NELL1: variants seen among roughly 807,000 people sequenced by gnomAD.
NELL1 encodes neural EGFL like 1, also known as protein kinase C-binding protein NELL1.
NELL1 carries 76 observed loss-of-function variants against 107.4 expected under a neutral mutation model. The observed-to-expected ratio is 0.71, with a 90% CI of 0.59 to 0.86. The LOEUF is 0.86. Among genes scored for constraint, NELL1 ranks in the 40% least tolerant of loss-of-function variants. NELL1 has a pLI of 0.00. For missense variants in NELL1, 1,024 were observed against 1,005.5 expected (o/e 1.02, Z -0.25); for synonymous variants, 353 against 341.2 (o/e 1.03, Z -0.38).
intron 13 of NELL1, among the ~76,000 whole-genome samples, chr11:21,124,793 G>A (rs1295695124): frequency 6.6e-6 from 1 of 151,848 alleles, no homozygotes; most frequent in African/African-American, 2.4e-5. Context: ...TACAGACAGG[G>A]TTTCTCCATA....
At chr11:21,413,119 C>T (rs542894987) in intron 15 of NELL1, among the ~76,000 whole-genome samples, 1 of 152,210 alleles carries the variant, frequency 6.6e-6, no homozygotes, top group African/African-American at 2.4e-5. Context: ...CCTTGATTGC[C>T]AATTCAGAAG....
intron 11 of NELL1, among the ~76,000 whole-genome samples, chr11:20,948,842 T>A (rs1485768106): frequency 6.6e-6 from 1 of 151,864 alleles, no homozygotes; most frequent in African/African-American, 2.4e-5. Context: ...ATACTTCAGA[T>A]TCTCAAATAC....
chr11:21,469,941 C>G (rs938769690), intron 15 of NELL1, among the ~76,000 whole-genome samples: 2 of 151,436 alleles, frequency 1.3e-5, no homozygotes, highest in Non-Finnish European at 2.9e-5. Flanking sequence ...ACACCAAATG[C>G]AAATGTTACT....
At chr11:21,131,606 G>C (rs907570077) in intron 13 of NELL1, among the ~76,000 whole-genome samples, 4 of 152,148 alleles carry the variant, frequency 2.6e-5, no homozygotes, top group Admixed American at 6.5e-5. Context: ...ACAATGATAT[G>C]TACTTACTTG....
chr11:21,041,663 G>A (rs1853235607), intron 12 of NELL1, among the ~76,000 whole-genome samples: 1 of 152,130 alleles, frequency 6.6e-6, no homozygotes, highest in Non-Finnish European at 1.5e-5. Context: ...TATTCACAAA[G>A]TTTTAAAAGT....
intron 13 of NELL1, among the ~76,000 whole-genome samples, chr11:21,215,174 C>G (rs1857587160): frequency 6.6e-6 from 1 of 152,084 alleles, no homozygotes. Context: ...TGAGTGCATT[C>G]TCATGAGATC....
intron 15 of NELL1, among the ~76,000 whole-genome samples, chr11:21,384,408 G>T (rs1851686219): frequency 6.6e-6 from 1 of 151,094 alleles, no homozygotes. Context: ...CCTTTTTCTG[G>T]CCATAATTGT....
intron 15 of NELL1, among the ~76,000 whole-genome samples, chr11:21,491,470 C>G (rs1346486616): frequency 6.6e-6 from 1 of 152,116 alleles, no homozygotes; most frequent in Admixed American, 6.5e-5. Context: ...TTCCCCATTG[C>G]TTGTTTTTCT....
Position 21,378,163 on chromosome 11 carries a change from C to T in NELL1, c.1645+7215C>T, listed in dbSNP as rs189377658. 7.0e-3 allele frequency among the ~76,000 whole-genome samples: 1,060 copies of T among 151,622 alleles called. 4 individuals carry two copies. Among genetic ancestry groups the T allele is most frequent in the Middle Eastern group, 0.024 (7 of 294 alleles). On this transcript the variant is annotated intron_variant, in intron 15 of 19. Transcript: ENST00000357134. ...TAAAATTAAGGAAAAATTCTCCAGA[C>T]GTTGCCAAATATCCCCTGGGAGACA...
rs191583430 is a variant in NELL1, at chr11:20,991,013, A to T, written c.1300+30453A>T. On this transcript the variant is annotated intron_variant, in intron 12 of 19. Coordinates refer to ENST00000357134, the MANE Select transcript of NELL1 (RefSeq NM_006157.5). ...CTCCTGACCCAGTCCTGATCTTGAA[A>T]ACCAACTCTGGTGTTTGCCCAACAG... Among the ~76,000 whole-genome samples the T allele has an allele frequency of 4.6e-3, 700 of 152,150 alleles. 4 individuals carry two copies. The highest frequency in any genetic ancestry group is 0.016 in the African/African-American group (651 of 41,482).
chr11:20,774,757 G>T (rs1564903702), intron 2 of NELL1, among the ~76,000 whole-genome samples: 2 of 152,164 alleles, frequency 1.3e-5, no homozygotes, highest in Non-Finnish European at 2.9e-5. Flanking sequence ...GGCAAGGACT[G>T]CCCTCATGTC....
intron 14 of NELL1, among the ~76,000 whole-genome samples, chr11:21,369,687 C>T (rs1306148886): frequency 6.6e-6 from 1 of 151,906 alleles, no homozygotes; most frequent in African/African-American, 2.4e-5. Flanking sequence ...TTTCAAACTA[C>T]AATTAAAATT....
At chr11:20,755,567 T>C (rs866504920) in intron 2 of NELL1, among the ~76,000 whole-genome samples, 3 of 119,948 alleles carry the variant, frequency 2.5e-5, no homozygotes, top group Non-Finnish European at 3.5e-5. Flanking sequence ...TTTTTGTTTT[T>C]TTTTTTTTGA....
chr11:20,738,001 T>C (rs1855800470), intron 2 of NELL1, among the ~76,000 whole-genome samples: 1 of 151,072 alleles, frequency 6.6e-6, no homozygotes, highest in African/African-American at 2.4e-5. Context: ...TGATGTTCAC[T>C]GCTATATCCC....
chr11:21,273,984 A>C (rs1212752040), intron 14 of NELL1, among the ~76,000 whole-genome samples: 1 of 152,322 alleles, frequency 6.6e-6, no homozygotes, highest in Non-Finnish European at 1.5e-5. Context: ...CTAGGAAGAA[A>C]CTGCATCAAC....
chr11:21,500,067 C>T (rs1021196582), intron 15 of NELL1, among the ~76,000 whole-genome samples: 5 of 151,996 alleles, frequency 3.3e-5, no homozygotes, highest in Admixed American at 3.3e-4. Flanking sequence ...TCTTTTATTC[C>T]AAATTTTCTA....
At chr11:21,451,199 A>AG (rs1453495310) in intron 15 of NELL1, among the ~76,000 whole-genome samples, 22 of 140,506 alleles carry the variant, frequency 1.6e-4, no homozygotes, top group South Asian at 2.1e-4. Context: ...AAAAAAAAAA[A>AG]AAAGAAAAAA....
intron 12 of NELL1, among the ~76,000 whole-genome samples, chr11:21,085,760 A>C (rs1245068762): frequency 6.6e-6 from 1 of 152,244 alleles, no homozygotes; most frequent in Admixed American, 6.5e-5. Context: ...AATAGGGGAC[A>C]GGACAGGCAA....
At chr11:21,511,693 C>A (rs980615905) in intron 15 of NELL1, among the ~76,000 whole-genome samples, 3 of 152,130 alleles carry the variant, frequency 2.0e-5, no homozygotes, top group Non-Finnish European at 4.4e-5. Context: ...ATATTAAGAA[C>A]ACAACACAGG....
Sources: allele counts gnomAD v4.1 joint callset (sites outside exome capture counted in the v4.1 genomes callset), GRCh38; gene constraint gnomAD v4.1.1; transcripts MANE v1.5; gene names NCBI Gene and HGNC (gene_info 2026-07-23, HGNC 2026-07-21).